PHF3: variants seen among roughly 807,000 people sequenced by gnomAD.
PHF3 encodes PHD finger protein 3.
A neutral mutation model predicts 178.4 loss-of-function variants in PHF3; 41 were observed. The observed-to-expected ratio is 0.23, with a 90% CI of 0.18 to 0.30. The LOEUF (loss-of-function observed/expected upper bound fraction) is 0.30. Among genes scored for constraint, PHF3 ranks in the 10% least tolerant of loss-of-function variants. The pLI is 1.00. For synonymous variants in PHF3, 842 were observed against 800.5 expected (o/e 1.05, Z -0.88); for missense variants, 2,346 against 2,398.1 (o/e 0.98, Z 0.45).
intron 2 of PHF3, among the ~76,000 whole-genome samples, chr6:63,657,589 A>G (rs188150347): frequency 2.0e-5 from 3 of 150,850 alleles, no homozygotes; most frequent in East Asian, 1.9e-4. Context: ...AAAAGTCTTC[A>G]TCTTCATCTT....
At chr6:63,637,170 A>C (rs1764377924) in intron 1 of PHF3, among the ~76,000 whole-genome samples, 1 of 152,234 alleles carries the variant, frequency 6.6e-6, no homozygotes, top group African/African-American at 2.4e-5. Flanking sequence ...GGCTTCTCTA[A>C]ATACTAACTT....
In PHF3 at chr6:63,721,332, C is replaced by T; in HGVS notation, c.*7624C>T. On this transcript the variant is annotated 3_prime_UTR_variant, in exon 16 of 16. Coordinates refer to ENST00000262043, the MANE Select transcript of PHF3 (RefSeq NM_001370348.2). ...ATTTCCAGCCCAATCTGGCAAACAT[C>T]TGCAAGAAAAAGTTGTGCCATTTAC... 1 of 1,551,988 alleles carries T rather than the reference C, an allele frequency of 6.4e-7. No homozygotes were observed. The highest frequency in any genetic ancestry group is 8.7e-7 in the Non-Finnish European group (1 of 1,147,002).
chr6:63,655,793 T>C (rs1765207786), intron 2 of PHF3, among the ~76,000 whole-genome samples: 1 of 152,168 alleles, frequency 6.6e-6, no homozygotes, highest in Non-Finnish European at 1.5e-5. Context: ...TGCTGTTCTA[T>C]GTAGATATTT....
intron 2 of PHF3, among the ~76,000 whole-genome samples, chr6:63,675,483 CT>C (rs1325894349): frequency 6.6e-6 from 1 of 152,110 alleles, no homozygotes; most frequent in Non-Finnish European, 1.5e-5. Flanking sequence ...AAAAAACATA[CT>C]GGAGGTGCTT....
intron 14 of PHF3, among the ~76,000 whole-genome samples, chr6:63,710,367 AAG>A (rs1767874205): frequency 6.6e-6 from 1 of 152,160 alleles, no homozygotes; most frequent in Admixed American, 6.5e-5. Flanking sequence ...TTTACTCTAA[AAG>A]AGGGCAGTTT....
At chr6:63,708,094 T>C (rs1029011041) in intron 13 of PHF3, among the ~76,000 whole-genome samples, 1 of 152,146 alleles carries the variant, frequency 6.6e-6, no homozygotes, top group African/African-American at 2.4e-5. Context: ...TCTGAACTAC[T>C]GCCCTCAAGT....
Position 63,711,657 on chromosome 6 carries a change from G to A in PHF3, c.4069G>A (p.Ala1357Thr), listed in dbSNP as rs1301247493. The change falls in exon 16 of 16, where the codon GCC becomes ACC. Residue 1357 changes from alanine to threonine, a missense_variant. Physicochemically the swap from Ala to Thr is moderately conservative, Grantham distance 58. Around this residue, in one of 8 missense-constraint regions of PHF3, gnomAD observed 839 missense variants for 806.9 expected, o/e 1.04. Coordinates refer to ENST00000262043, the MANE Select transcript of PHF3 (RefSeq NM_001370348.2). ...TCAGAAACTGAAGCGACAGCACAGT[G>A]CCTGTGCTAGTACTAGTCATATAGC... The part of the protein sequence containing the change: ...IRQKLKRQHS[A>T]CASTSHIAET... 1 of 1,610,770 alleles carries A rather than the reference G, an allele frequency of 6.2e-7. No homozygotes were observed.
chr6:63,644,867 G>C (rs1463901466), intron 1 of PHF3, among the ~76,000 whole-genome samples: 2 of 151,670 alleles, frequency 1.3e-5, no homozygotes, highest in African/African-American at 2.4e-5. Flanking sequence ...CGTGGCCCCA[G>C]GCAGTCACTA....
intron 12 of PHF3, among the ~76,000 whole-genome samples, 189 bp from the exon 13 acceptor site, chr6:63,706,540 G>C (rs1016793450): frequency 6.6e-6 from 1 of 152,144 alleles, no homozygotes; most frequent in East Asian, 1.9e-4. Context: ...AGCCAGCCAA[G>C]AGGGAAGATT....
At chr6:63,679,403 A>G (rs1766326562) in intron 2 of PHF3, among the ~76,000 whole-genome samples, 1 of 151,836 alleles carries the variant, frequency 6.6e-6, no homozygotes, top group African/African-American at 2.4e-5. Flanking sequence ...TTAAACATCT[A>G]CTATTTTCTC....
chr6:63,643,249 A>G (rs1307508058), intron 1 of PHF3, among the ~76,000 whole-genome samples: 8 of 152,198 alleles, frequency 5.3e-5, no homozygotes, highest in South Asian at 4.1e-4. Context: ...CCTGTTTAGC[A>G]TTAGAGCTAT....
In PHF3 at chr6:63,721,922, A is replaced by G; in HGVS notation, c.*8214A>G. 2.4e-6 allele frequency: 2 copies of G among 846,212 alleles called. No individual in the cohort carries two copies. Among genetic ancestry groups the G allele is most frequent in the Non-Finnish European group, 1.8e-6 (1 of 558,056 alleles). 52.4% of individuals were successfully genotyped at this position (846,212 alleles called of 1,614,324 possible). On this transcript the variant is annotated 3_prime_UTR_variant, in exon 16 of 16. Coordinates refer to ENST00000262043, the MANE Select transcript of PHF3 (RefSeq NM_001370348.2). ...GAAAAAAGTAACAGATCTTGAGCAC[A>G]ATTGTGTTAGTTTTGTTTCCACTCA...
chr6:63,685,187 A>G lies in PHF3; in HGVS notation c.1465A>G (p.Lys489Glu). ...SYLESKSVKS[K>E]HTKPVIHSKQ... ...CTTAGAGTCAAAAAGTGTAAAATCC[A>G]AACATACAAAACCTGTAATTCATTC... Residue 489 changes from lysine (K) to glutamate (E), a missense_variant, in exon 4 of 16, where the codon AAA becomes GAA. Coordinates refer to ENST00000262043, the MANE Select transcript of PHF3 (RefSeq NM_001370348.2). 1 of 1,614,012 alleles carries G rather than the reference A, an allele frequency of 6.2e-7. No homozygotes were observed. The highest frequency in any genetic ancestry group is 8.5e-7 in the Non-Finnish European group (1 of 1,180,002).
At chr6:63,690,298 A>G (rs1766938909) in intron 4 of PHF3, among the ~76,000 whole-genome samples, 1 of 152,186 alleles carries the variant, frequency 6.6e-6, no homozygotes, top group Non-Finnish European at 1.5e-5. Flanking sequence ...TAAAGCTAGC[A>G]CAGGTATTAC....
At chr6:63,686,521 T>G (rs1766714439) in intron 4 of PHF3, among the ~76,000 whole-genome samples, 1 of 152,184 alleles carries the variant, frequency 6.6e-6, no homozygotes, top group South Asian at 2.1e-4. Context: ...TGAATTCTAG[T>G]CTTTTTAAAA....
chr6:63,679,589 A>C (rs1766336532), intron 2 of PHF3: 1 of 284,254 alleles, frequency 3.5e-6, no homozygotes, highest in African/African-American at 2.2e-5. Context: ...TCCCAGTTAG[A>C]AGTAGAATTT....
intron 2 of PHF3, among the ~76,000 whole-genome samples, chr6:63,660,038 T>G (rs560515615): frequency 1.6e-4 from 25 of 152,018 alleles, no homozygotes; most frequent in South Asian, 6.2e-4. Flanking sequence ...TATTTTGTTT[T>G]TGTGTGTGTG....
Position 63,719,172 on chromosome 6 carries a change from G to A in PHF3, c.*5464G>A, listed in dbSNP as rs1342386027. Among the ~76,000 whole-genome samples, 1 of 151,996 alleles carries A rather than the reference G, an allele frequency of 6.6e-6. No individual in the cohort carries two copies. The highest frequency in any genetic ancestry group is 2.4e-5 in the African/African-American group (1 of 41,416). Reference sequence around the variant, plus strand: ...GGTGTTGACATTCTTAACTCTGGTCGTAGGTCCTTTTAGGAATGTCTGTAG... The same window carrying A: ...GGTGTTGACATTCTTAACTCTGGTCATAGGTCCTTTTAGGAATGTCTGTAG... On this transcript the variant is annotated 3_prime_UTR_variant, in exon 16 of 16. Coordinates refer to ENST00000262043, the MANE Select transcript of PHF3 (RefSeq NM_001370348.2).
At chr6:63,645,292 G>C (rs1716877770) in intron 1 of PHF3, among the ~76,000 whole-genome samples, 1 of 152,144 alleles carries the variant, frequency 6.6e-6, no homozygotes, top group African/African-American at 2.4e-5. Flanking sequence ...ACCCAGGCTA[G>C]AATTTTGGCT....
Sources: gnomAD v4.1 joint callset for allele counts (sites outside exome capture counted in the v4.1 genomes callset) on GRCh38, gnomAD v4.1.1 for gene constraint, gnomAD v4.1.1 regional missense constraint, MANE v1.5 for transcripts, NCBI Gene and HGNC (gene_info 2026-07-23, HGNC 2026-07-21) for gene names.